The following CDCA5 variants were observed in gnomAD, a reference collection of about 807,000 sequenced individuals.
The protein encoded by CDCA5 is cell division cycle associated 5.
CDCA5 carries 14 observed loss-of-function variants against 25.7 expected under a neutral mutation model. That is an observed-to-expected ratio of 0.54 (90% CI 0.36 to 0.85). CDCA5 has a LOEUF of 0.85. Ranked by LOEUF, CDCA5 falls within the 40% of genes least tolerant of loss-of-function variation. CDCA5 has a pLI of 0.01. For synonymous variants in CDCA5, 127 were observed against 128.7 expected (o/e 0.99, Z 0.09); for missense variants, 307 against 324.5 (o/e 0.95, Z 0.41).
downstream of CDCA5, among the ~76,000 whole-genome samples, chr11:65,063,876 C>T (rs1222622847): frequency 1.3e-5 from 2 of 152,186 alleles, no homozygotes; most frequent in Non-Finnish European, 2.9e-5. Flanking sequence ...TTGACAGGAA[C>T]CTCTGGGCTG....
intron 3 of CDCA5, chr11:65,067,878 C>T (rs1947269722): frequency 1.2e-6 from 1 of 847,562 alleles, no homozygotes; most frequent in Non-Finnish European, 1.7e-6. Context: ...CTCCTCTCTG[C>T]ACGGGCCAGG....
downstream of CDCA5, among the ~76,000 whole-genome samples, chr11:65,074,977 G>A (rs369855938): frequency 6.1e-5 from 9 of 148,176 alleles, no homozygotes; most frequent in East Asian, 1.6e-3. Context: ...CAGGAGAATC[G>A]CTTGAACTCG....
chr11:65,061,618 C>CA (rs1947186420), downstream of CDCA5, among the ~76,000 whole-genome samples: 1 of 151,492 alleles, frequency 6.6e-6, no homozygotes, highest in Non-Finnish European at 1.5e-5. Flanking sequence ...ACTCAAAATA[C>CA]AAAAAAATTA....
downstream of CDCA5, among the ~76,000 whole-genome samples, chr11:65,064,791 C>T (rs572207095): frequency 6.6e-6 from 1 of 152,040 alleles, no homozygotes; most frequent in African/African-American, 2.4e-5. Flanking sequence ...CAGGCTGAGG[C>T]GGGAGGATTC....
At chr11:65,066,503 C>A in intron 6 of CDCA5, 5 of 1,289,198 alleles carry the variant, frequency 3.9e-6, no homozygotes, top group Non-Finnish European at 5.1e-6. Flanking sequence ...GAGTGAGCAG[C>A]ATGGGGCAGC....
chr11:65,066,883 G>A, intron 4 of CDCA5: 1 of 1,289,288 alleles, frequency 7.8e-7, no homozygotes, highest in Non-Finnish European at 1.0e-6. Context: ...CCGAAGCCTA[G>A]GGTTGAAAAA....
intron 1 of CDCA5, 35 bp downstream of exon 1, chr11:65,083,898 C>G (rs757558868): frequency 6.2e-7 from 1 of 1,608,954 alleles, no homozygotes; most frequent in Admixed American, 1.7e-5. Context: ...CCCCAAACGG[C>G]TCGACCTCAC....
downstream of CDCA5, among the ~76,000 whole-genome samples, chr11:65,062,718 G>C (rs534192092): frequency 6.6e-6 from 1 of 152,234 alleles, no homozygotes; most frequent in African/African-American, 2.4e-5. Flanking sequence ...GATCGCTTGA[G>C]TCCAGAAGTT....
downstream of CDCA5, chr11:65,066,177 G>A (rs542332606): frequency 2.1e-4 from 58 of 275,292 alleles, no homozygotes; most frequent in South Asian, 2.7e-3. Flanking sequence ...ATGCAGAATG[G>A]GTGAGCTGAG....
rs1014363769 is a variant in CDCA5, at chr11:65,078,403, C to T, written c.*704G>A. 3.0e-6 allele frequency: 3 copies of T among 985,630 alleles called. No homozygotes were observed. The African/African-American group carries it at 5.2e-5, about 17-fold the overall frequency. The allele number at this position is 985,630 out of a possible 1,614,324, so 61.1% of individuals were successfully genotyped here. A position where few individuals can be genotyped will look rare whatever the true frequency, so the allele number is the denominator to read the frequency against. ...TCCAAGCAGCCAGCGCCCTATCAAC[C>T]TGGCATTTACCAAACATCTCAACAG... On this transcript the variant is annotated 3_prime_UTR_variant, in exon 6 of 6. Coordinates refer to ENST00000275517, the MANE Select transcript of CDCA5 (RefSeq NM_080668.4).
In CDCA5 at chr11:65,083,634, G is replaced by A; in HGVS notation, c.136C>T (p.Pro46Ser). 6.2e-7 allele frequency: 1 copy of A among 1,614,200 alleles called. No homozygotes were observed. The highest frequency in any genetic ancestry group is 1.1e-5 in the South Asian group (1 of 91,080). Residue 46 changes from proline (P) to serine (S), a missense_variant, in exon 2 of 6, where the codon CCG becomes TCG. Transcript: ENST00000275517. Reference protein sequence around the residue: ...ELPSILPEIWPKTPSAAAVRK... With the variant: ...ELPSILPEIWSKTPSAAAVRK... ...GTGAGAAATCTGGGGCTCACCTTCG[G>A]CCAGATTTCAGGGAGGATGCTCGGG...
exon 6 of CDCA5, chr11:65,066,620 C>T: frequency 1.6e-6 from 2 of 1,288,788 alleles, no homozygotes; most frequent in Non-Finnish European, 2.0e-6. Context: ...CCTGGATGGC[C>T]TGGGCCTCCT....
In CDCA5 at chr11:65,083,951, C is replaced by T. The variant is rs939247293; in HGVS notation, c.28G>A (p.Gly10Arg). The T allele has an allele frequency of 2.7e-5, 44 of 1,604,380 alleles. No homozygotes were observed. Among genetic ancestry groups the T allele is most frequent in the Non-Finnish European group, 3.7e-5 (43 of 1,177,778 alleles). Residue 10 changes from glycine to arginine, a missense_variant, in exon 1 of 6, where the codon GGA (glycine) becomes AGA (arginine). Physicochemically the swap from Gly to Arg is moderately radical, Grantham distance 125. Coordinates refer to ENST00000275517, the MANE Select transcript of CDCA5 (RefSeq NM_080668.4). MSGRRTRSG[G>R]AAQRSGPRAP... is the part of the protein sequence containing the mutation. ...CGCTCACCGGAGCGCTGAGCGGCTC[C>T]TCCGGACCGCGTTCGCCTCCCAGAC... is the stretch of plus-strand genomic sequence containing the variant.
In CDCA5 at chr11:65,082,865, T is replaced by C. The variant is rs76965085; in HGVS notation, c.243+499A>G. Among the ~76,000 whole-genome samples the C allele has an allele frequency of 8.1e-3, 1,232 of 152,092 alleles. 14 individuals carry two copies. Among genetic ancestry groups the C allele is most frequent in the African/African-American group, 0.028 (1,165 of 41,470 alleles). On this transcript the variant is annotated intron_variant, in intron 4 of 5. Coordinates refer to ENST00000275517, the MANE Select transcript of CDCA5 (RefSeq NM_080668.4). ...TACCATCATAGCATCTAGTATTCCT[T>C]ATTGCAGTCCCAGTACACAACGTTG...
At chr11:65,061,583 G>A (rs1947186165), downstream of CDCA5, among the ~76,000 whole-genome samples, 1 of 152,006 alleles carries the variant, frequency 6.6e-6, no homozygotes, top group Non-Finnish European at 1.5e-5. Context: ...GACCATCCTG[G>A]CTAACATGGT....
downstream of CDCA5, among the ~76,000 whole-genome samples, chr11:65,075,099 A>AGAAATAGG (rs1947418016): frequency 7.1e-6 from 1 of 140,622 alleles, no homozygotes; most frequent in South Asian, 2.2e-4. Context: ...TAAGGAGGGG[A>AGAAATAGG]GAAATAGGCC....
intron 4 of CDCA5, chr11:65,067,613 G>T: frequency 8.2e-7 from 1 of 1,223,714 alleles, no homozygotes. Flanking sequence ...GTCGGGGGAA[G>T]CCCTGTCACC....
chr11:65,061,996 C>T (rs1160437159), downstream of CDCA5, among the ~76,000 whole-genome samples: 4 of 147,196 alleles, frequency 2.7e-5, no homozygotes, highest in Non-Finnish European at 5.9e-5. Flanking sequence ...TCTCGGCTCA[C>T]CGCAACCTCT....
At chr11:65,069,162 C>A (rs1487554736) in intron 1 of CDCA5, among the ~76,000 whole-genome samples, 1 of 148,378 alleles carries the variant, frequency 6.7e-6, no homozygotes, top group Non-Finnish European at 1.5e-5. Context: ...ATCACTTGAG[C>A]CTGGAAGGTT....
Sources: gnomAD v4.1 joint callset for allele counts (sites outside exome capture counted in the v4.1 genomes callset) on GRCh38, gnomAD v4.1.1 for gene constraint, MANE v1.5 for transcripts, NCBI Gene and HGNC (gene_info 2026-07-23, HGNC 2026-07-21) for gene names.